PSD3: variants seen among roughly 807,000 people sequenced by gnomAD.
PSD3 encodes the protein PH and SEC7 domain-containing protein 3.
In PSD3, 49 loss-of-function variants were observed where a neutral mutation model predicts 105.5. That is an observed-to-expected ratio of 0.46 (90% CI 0.37 to 0.59). The LOEUF (loss-of-function observed/expected upper bound fraction) is 0.59. Ranked by LOEUF, PSD3 falls within the 20% of genes least tolerant of loss-of-function variation. The probability of loss-of-function intolerance (pLI) is 0.00; values close to 1 mark genes in which losing one functional copy is unlikely to be tolerated. For synonymous variants in PSD3, 557 were observed against 457.8 expected (o/e 1.22, Z -2.77); for missense variants, 1,561 against 1,263.8 (o/e 1.24, Z -3.57).
intron 1 of PSD3, among the ~76,000 whole-genome samples, chr8:18,977,862 A>T (rs1323196024): frequency 6.6e-6 from 1 of 152,142 alleles, no homozygotes; most frequent in Non-Finnish European, 1.5e-5. Flanking sequence ...ATGCAATAAG[A>T]TTTTAACTGT....
At chr8:18,913,884 T>C (rs568238857) in intron 2 of PSD3, among the ~76,000 whole-genome samples, 21 of 151,892 alleles carry the variant, frequency 1.4e-4, no homozygotes, top group African/African-American at 4.1e-4. Context: ...CCCAACCCTA[T>C]TGATCCAGGT....
chr8:18,738,793 C>T (rs1804342903), intron 9 of PSD3, among the ~76,000 whole-genome samples: 1 of 151,580 alleles, frequency 6.6e-6, no homozygotes, highest in South Asian at 2.1e-4. Flanking sequence ...TCTTGGATTG[C>T]TAAGAAGTAA....
At chr8:18,674,406 C>T (rs768678339) in intron 9 of PSD3, among the ~76,000 whole-genome samples, 1 of 152,104 alleles carries the variant, frequency 6.6e-6, no homozygotes, top group Non-Finnish European at 1.5e-5. Context: ...ATCTGGTTTC[C>T]ATGTTTCAAA....
chr8:19,082,126 C>T (rs1465622632), intron 1 of PSD3, among the ~76,000 whole-genome samples: 2 of 152,160 alleles, frequency 1.3e-5, no homozygotes, highest in African/African-American at 4.8e-5. Flanking sequence ...TTAATCTGTC[C>T]AGGGCTGGAC....
intron 8 of PSD3, among the ~76,000 whole-genome samples, chr8:18,791,460 C>T (rs1008815723): frequency 1.1e-4 from 17 of 151,820 alleles, no homozygotes; most frequent in African/African-American, 3.9e-4. Flanking sequence ...GCAAACCTGA[C>T]AAAAACAAGC....
At chr8:18,934,565 C>T (rs973231708) in intron 2 of PSD3, among the ~76,000 whole-genome samples, 1 of 152,120 alleles carries the variant, frequency 6.6e-6, no homozygotes, top group Non-Finnish European at 1.5e-5. Flanking sequence ...CACCTGCCAC[C>T]GCGCCCGGCT....
chr8:18,565,870 G>T (rs891839678), intron 14 of PSD3, among the ~76,000 whole-genome samples: 7 of 152,120 alleles, frequency 4.6e-5, no homozygotes, highest in Non-Finnish European at 1.0e-4. Flanking sequence ...GTTAGAACTG[G>T]GGGGTCCCTA....
intron 9 of PSD3, among the ~76,000 whole-genome samples, chr8:18,761,199 G>A (rs537302964): frequency 6.6e-6 from 1 of 152,176 alleles, no homozygotes; most frequent in African/African-American, 2.4e-5. Flanking sequence ...TAAGGGTTAA[G>A]CAAGATTCAT....
intron 9 of PSD3, among the ~76,000 whole-genome samples, chr8:18,688,214 G>A (rs1800771290): frequency 6.6e-6 from 1 of 152,134 alleles, no homozygotes; most frequent in African/African-American, 2.4e-5. Flanking sequence ...CTCCTGAGTA[G>A]CTAGGACTAC....
chr8:18,898,875 G>C (rs966964069), intron 2 of PSD3, among the ~76,000 whole-genome samples: 1 of 152,150 alleles, frequency 6.6e-6, no homozygotes, highest in Admixed American at 6.5e-5. Flanking sequence ...AGAGGAAGAA[G>C]AACAGGAAGC....
chr8:18,859,074 G>A (rs139418806), intron 4 of PSD3, among the ~76,000 whole-genome samples: 188 of 152,222 alleles, frequency 1.2e-3, no homozygotes, highest in African/African-American at 4.4e-3. Context: ...AAAGCTCAAA[G>A]TCAAAATTAC....
intron 2 of PSD3, among the ~76,000 whole-genome samples, chr8:18,904,181 G>C (rs751034860): frequency 6.6e-6 from 1 of 152,112 alleles, no homozygotes; most frequent in Non-Finnish European, 1.5e-5. Flanking sequence ...GAGGGAACAA[G>C]AGAGAGAGAA....
chr8:18,571,180 G>A (rs1802113416), intron 14 of PSD3, among the ~76,000 whole-genome samples: 1 of 152,050 alleles, frequency 6.6e-6, no homozygotes, highest in African/African-American at 2.4e-5. Context: ...TTATTTTAAG[G>A]ATGCTGGGAA....
chr8:18,595,363 G>A (rs748440532), intron 12 of PSD3, among the ~76,000 whole-genome samples: 1 of 151,372 alleles, frequency 6.6e-6, no homozygotes, highest in Admixed American at 6.6e-5. Flanking sequence ...TAGCAAGAGT[G>A]TTTCTCTATC....
At chr8:18,729,860 T>C (rs1053487359) in intron 9 of PSD3, among the ~76,000 whole-genome samples, 19 of 152,300 alleles carry the variant, frequency 1.2e-4, no homozygotes, top group African/African-American at 4.3e-4. Flanking sequence ...AAATTACTAA[T>C]TCAATTTCTC....
chr8:18,951,181 G>A lies in PSD3; in HGVS notation c.22-15039C>T, dbSNP rs1396611318. Among the ~76,000 whole-genome samples the A allele has an allele frequency of 3.9e-5, 6 of 152,252 alleles. No individual in the cohort carries two copies. The East Asian group carries it at 1.2e-3, about 29-fold the overall frequency. On this transcript the variant is annotated intron_variant, in intron 1 of 15. Coordinates refer to ENST00000327040, the MANE Select transcript of PSD3 (RefSeq NM_015310.4). ...AGGCCGTGGTGGGAAGGTTGCTTGA[G>A]CCCAGGAGTTCAAGACCAGCCTGGG...
chr8:18,830,765 T>C (rs1376633056), intron 4 of PSD3, among the ~76,000 whole-genome samples: 3 of 152,164 alleles, frequency 2.0e-5, no homozygotes, highest in African/African-American at 7.2e-5. Context: ...CCCACTGCAG[T>C]GTAGACATGG....
chr8:18,947,023 G>A (rs186959852), intron 1 of PSD3, among the ~76,000 whole-genome samples: 2 of 151,918 alleles, frequency 1.3e-5, no homozygotes, highest in Non-Finnish European at 2.9e-5. Flanking sequence ...GAAGATGCTC[G>A]TGCTTGGGCC....
At chr8:18,862,192 C>G (rs566569214) in intron 4 of PSD3, among the ~76,000 whole-genome samples, 130 of 152,192 alleles carry the variant, frequency 8.5e-4, no homozygotes, top group African/African-American at 2.8e-3. Flanking sequence ...TCGTTTCCTC[C>G]TCCTTCCTCC....
Sources: allele counts gnomAD v4.1 joint callset (sites outside exome capture counted in the v4.1 genomes callset), GRCh38; gene constraint gnomAD v4.1.1; transcripts MANE v1.5; gene names NCBI Gene and HGNC (gene_info 2026-07-23, HGNC 2026-07-21).